WASHC4: variants seen among roughly 807,000 people sequenced by gnomAD.
The protein encoded by WASHC4 is WASH complex subunit 7.
In WASHC4, 86 loss-of-function variants were observed where a neutral mutation model predicts 166.6. The ratio of observed to expected loss-of-function variants is 0.52; its 90% CI spans 0.43 to 0.62. The LOEUF is 0.62. Ranked by LOEUF, WASHC4 falls within the 20% of genes least tolerant of loss-of-function variation. WASHC4 has a pLI of 0.00. For missense variants in WASHC4, 1,262 were observed against 1,382.4 expected (o/e 0.91, Z 1.38); for synonymous variants, 446 against 451.6 (o/e 0.99, Z 0.16).
intron 13 of WASHC4, among the ~76,000 whole-genome samples, chr12:105,131,421 G>C (rs1421590758): frequency 1.3e-5 from 2 of 152,212 alleles, no homozygotes; most frequent in East Asian, 3.8e-4. Context: ...AAGATCATCA[G>C]TCATCTGGAT....
intron 32 of WASHC4, 137 bp downstream of exon 32, chr12:105,164,877 A>G (rs1884718514): frequency 1.5e-6 from 1 of 654,218 alleles, no homozygotes; most frequent in Non-Finnish European, 2.7e-6. Context: ...AAGTCTTTTA[A>G]AAAAAGTAAA....
intron 26 of WASHC4, among the ~76,000 whole-genome samples, 193 bp downstream of exon 26, chr12:105,152,644 A>G (rs955453868): frequency 2.6e-5 from 4 of 152,190 alleles, no homozygotes; most frequent in Non-Finnish European, 5.9e-5. Flanking sequence ...GATAGACTAT[A>G]GGCTAATCAC....
intron 26 of WASHC4, among the ~76,000 whole-genome samples, chr12:105,156,326 T>C (rs924977269): frequency 2.6e-5 from 4 of 152,170 alleles, no homozygotes; most frequent in South Asian, 2.1e-4. Flanking sequence ...GCCAGAGATA[T>C]AAATTTGGGA....
rs758432291 is a variant in WASHC4, at chr12:105,144,381, T to A, written c.2105T>A (p.Val702Asp). Residue 702 changes from valine (V) to aspartate (D), a missense_variant, in exon 21 of 33, where the codon GTT (valine) becomes GAT (aspartate). Physicochemically the swap from Val to Asp is radical, Grantham distance 152. Coordinates refer to ENST00000332180, the MANE Select transcript of WASHC4 (RefSeq NM_015275.3). The part of the protein sequence containing the change: ...LKLDDRNPFK[V>D]GMKDLALFFS... Reference sequence around the variant, plus strand: ...CTGGATGACCGAAACCCTTTCAAAGTTGGCATGAAAGACCTGGCTCTTTTT... The same window carrying A: ...CTGGATGACCGAAACCCTTTCAAAGATGGCATGAAAGACCTGGCTCTTTTT... 1 of 1,613,512 alleles carries A rather than the reference T, an allele frequency of 6.2e-7. No homozygotes were observed. The highest frequency in any genetic ancestry group is 8.5e-7 in the Non-Finnish European group (1 of 1,179,506).
chr12:105,168,455 T>C lies in WASHC4; in HGVS notation c.*1524T>C, dbSNP rs1055899580. ...TCATTATTATAAGTGTTTATATTAATGATCTTGCATTTGATTATATCAAAT... is the reference window on the plus strand; with the variant it reads ...TCATTATTATAAGTGTTTATATTAACGATCTTGCATTTGATTATATCAAAT... On this transcript the variant is annotated 3_prime_UTR_variant, in exon 33 of 33. Transcript: ENST00000332180. The C allele has an allele frequency of 6.6e-6, 1 of 152,462 alleles. No homozygotes were observed. Among genetic ancestry groups the C allele is most frequent in the South Asian group, 2.1e-4 (1 of 4,832 alleles). The allele number at this position is 152,462 out of a possible 1,614,324, so 9.4% of individuals were successfully genotyped here. A position where few individuals can be genotyped will look rare whatever the true frequency, so the allele number is the denominator to read the frequency against.
intron 25 of WASHC4, among the ~76,000 whole-genome samples, chr12:105,151,346 T>A (rs1342688700): frequency 6.6e-6 from 1 of 152,154 alleles, no homozygotes; most frequent in Non-Finnish European, 1.5e-5. Context: ...TAATTACTTT[T>A]CTTAAGATAC....
At chr12:105,120,993 A>G (rs529745814) in intron 8 of WASHC4, 108 bp from the exon 9 acceptor site, 47 of 746,340 alleles carry the variant, frequency 6.3e-5, no homozygotes, top group Middle Eastern at 4.7e-4. Context: ...TTTACCCACT[A>G]CTTTTACTAA....
chr12:105,156,004 G>A (rs1477684200), intron 26 of WASHC4, among the ~76,000 whole-genome samples: 1 of 152,220 alleles, frequency 6.6e-6, no homozygotes, highest in East Asian at 1.9e-4. Flanking sequence ...AAGAGCTGGT[G>A]ATGGATTGGA....
Position 105,167,017 on chromosome 12 carries a change from T to A in WASHC4, c.*86T>A. 1.1e-6 allele frequency: 1 copy of A among 887,980 alleles called. No homozygotes were observed. The highest frequency in any genetic ancestry group is 1.9e-6 in the Non-Finnish European group (1 of 531,630). The allele number at this position is 887,980 out of a possible 1,614,324, so 55.0% of individuals were successfully genotyped here. ...TGGAATGGATAAACTATTGATGAATTGTTTCCTGGGTCACATCTCTGGAAA... is the reference window on the plus strand; with the variant it reads ...TGGAATGGATAAACTATTGATGAATAGTTTCCTGGGTCACATCTCTGGAAA... On this transcript the variant is annotated 3_prime_UTR_variant, in exon 33 of 33. Coordinates refer to ENST00000332180, the MANE Select transcript of WASHC4 (RefSeq NM_015275.3).
At chr12:105,129,148 G>A (rs770802778) in intron 13 of WASHC4, among the ~76,000 whole-genome samples, 8 of 152,122 alleles carry the variant, frequency 5.3e-5, no homozygotes, top group African/African-American at 1.2e-4. Context: ...GTTTCACCAC[G>A]TCAGTCAGGC....
At chr12:105,160,382 C>G (rs1326501710) in intron 29 of WASHC4, among the ~76,000 whole-genome samples, 2 of 152,072 alleles carry the variant, frequency 1.3e-5, no homozygotes, top group Non-Finnish European at 2.9e-5. Context: ...GGGTCTTGCC[C>G]TGTCACCCAG....
At position 105,125,053 on chromosome 12, in the gene WASHC4, G is replaced by A. The variant is rs549437890; in HGVS notation, c.787-951G>A. ...ATCACAGAAAGTTCTGTTGGAGAGCGCTGCTTTAAGCAGGTTCCACTCGAA... is the reference window on the plus strand; with the variant it reads ...ATCACAGAAAGTTCTGTTGGAGAGCACTGCTTTAAGCAGGTTCCACTCGAA... On this transcript the variant is annotated intron_variant, in intron 10 of 32. Coordinates refer to ENST00000332180, the MANE Select transcript of WASHC4 (RefSeq NM_015275.3). Among the ~76,000 whole-genome samples, 6 of 152,278 alleles carry A rather than the reference G, an allele frequency of 3.9e-5. No homozygotes were observed. The East Asian group carries it at 7.7e-4, about 20-fold the overall frequency.
In WASHC4 at chr12:105,120,555, G is replaced by C; in HGVS notation, c.519G>C (p.Lys173Asn). The change falls in exon 8 of 33, where the codon AAG (lysine) becomes AAC (asparagine). Residue 173 changes from lysine to asparagine, a missense_variant and splice_region_variant. Lys to Asn is a moderately conservative substitution (Grantham distance 94). Coordinates refer to ENST00000332180, the MANE Select transcript of WASHC4 (RefSeq NM_015275.3). ...TAACTTGGTTGTTATTTTATTATAG[G>C]ATTGCACCCAAAATTATAGAGACAA... ...HQLAALYISN[K>N]IAPKIIETTG... 1 of 1,592,044 alleles carries C rather than the reference G, an allele frequency of 6.3e-7. No homozygotes were observed. Among genetic ancestry groups the C allele is most frequent in the Non-Finnish European group, 8.6e-7 (1 of 1,160,214 alleles).
In WASHC4 at chr12:105,115,610, T is replaced by C. The variant is rs778771525; in HGVS notation, c.368-51T>C. ...CTTTTCCCCCTTTTTTGGTATTGATTGAGTTTAAATTTAAAAAATGAAATA... is the reference window on the plus strand; with the variant it reads ...CTTTTCCCCCTTTTTTGGTATTGATCGAGTTTAAATTTAAAAAATGAAATA... On this transcript the variant is annotated intron_variant, in intron 5 of 32. Coordinates refer to ENST00000332180, the MANE Select transcript of WASHC4 (RefSeq NM_015275.3). 13 of 1,349,216 alleles carry C rather than the reference T, an allele frequency of 9.6e-6. No individual in the cohort carries two copies. In the African/African-American group the frequency reaches 1.9e-4, roughly 19 times the overall value. The allele number at this position is 1,349,216 out of a possible 1,614,324, so 83.6% of individuals were successfully genotyped here.
chr12:105,143,244 G>C lies in WASHC4; in HGVS notation c.2010+1G>C. The C allele has an allele frequency of 2.1e-6, 3 of 1,444,884 alleles. No homozygotes were observed. The highest frequency in any genetic ancestry group is 2.9e-6 in the Non-Finnish European group (3 of 1,026,382). 89.5% of individuals were successfully genotyped at this position (1,444,884 alleles called of 1,614,324 possible). On this transcript the variant is annotated splice_donor_variant, in intron 20 of 32. Coordinates refer to ENST00000332180, the MANE Select transcript of WASHC4 (RefSeq NM_015275.3). LOFTEE classifies it high-confidence loss of function. Reference sequence around the variant, plus strand: ...GGAAATTATGGAAATTTTAAATGAGGTAACATCATATTTGAGATTGAAAAG... The same window carrying C: ...GGAAATTATGGAAATTTTAAATGAGCTAACATCATATTTGAGATTGAAAAG...
In WASHC4 at chr12:105,149,698, G is replaced by T; in HGVS notation, c.2598G>T (p.Leu866Phe). Reference sequence around the variant, plus strand: ...ATGATGAACACATCAAATCCAGATTGATTAAAGATATTCGATTTTTCAGGG... The same window carrying T: ...ATGATGAACACATCAAATCCAGATTTATTAAAGATATTCGATTTTTCAGGG... ...FMYDEHIKSR[L>F]IKDIRFFREI... Residue 866 changes from leucine (L) to phenylalanine (F), a missense_variant, in exon 25 of 33, where the codon TTG becomes TTT. By Grantham distance (22) the Leu-to-Phe change is conservative. Transcript: ENST00000332180. 1.3e-6 allele frequency: 2 copies of T among 1,582,478 alleles called. No homozygotes were observed. The highest frequency in any genetic ancestry group is 2.2e-5 in the South Asian group (2 of 89,554).
At chr12:105,153,308 C>G (rs970029998) in intron 26 of WASHC4, among the ~76,000 whole-genome samples, 2 of 152,162 alleles carry the variant, frequency 1.3e-5, no homozygotes, top group African/African-American at 4.8e-5. Context: ...ATACCAACCC[C>G]TTTGCTTTCA....
In WASHC4 at chr12:105,156,895, G is replaced by C. The variant is rs1884197070; in HGVS notation, c.2825+103G>C. 3 of 890,828 alleles carry C rather than the reference G, an allele frequency of 3.4e-6. No individual in the cohort carries two copies. The East Asian group carries it at 7.3e-5, about 22-fold the overall frequency. 55.2% of individuals were successfully genotyped at this position (890,828 alleles called of 1,614,324 possible). On this transcript the variant is annotated intron_variant, in intron 27 of 32. Coordinates refer to ENST00000332180, the MANE Select transcript of WASHC4 (RefSeq NM_015275.3). ...TATTGTAGATAAGGTGTTTGTTCTT[G>C]ATATATTTTGAGATAAAATATGGAA...
At chr12:105,139,425 G>GTATATATATATATATATATATATA (rs71069791) in intron 15 of WASHC4, among the ~76,000 whole-genome samples, 25 of 103,212 alleles carry the variant, frequency 2.4e-4, no homozygotes, top group Admixed American at 7.7e-4. Flanking sequence ...ATGTGTGTGT[G>GTATATATATATATATATATATATA]TATATATATA....
Sources: gnomAD v4.1 joint callset for allele counts (sites outside exome capture counted in the v4.1 genomes callset) on GRCh38, gnomAD v4.1.1 for gene constraint, MANE v1.5 for transcripts, NCBI Gene and HGNC (gene_info 2026-07-23, HGNC 2026-07-21) for gene names.